The following GNAI1 variants were observed in gnomAD, a reference collection of about 807,000 sequenced individuals.
GNAI1 encodes guanine nucleotide-binding protein G(i) subunit alpha-1.
GNAI1 carries 11 observed loss-of-function variants against 38.9 expected under a neutral mutation model. The observed-to-expected ratio is 0.28, with a 90% CI of 0.18 to 0.47. GNAI1 has a LOEUF of 0.47. GNAI1 is among the 20% of genes least tolerant of loss of function. GNAI1 has a pLI of 0.99. For missense variants in GNAI1, 317 were observed against 436.9 expected (o/e 0.73, Z 2.45); for synonymous variants, 166 against 145.1 (o/e 1.14, Z -1.04).
At chr7:80,198,994 T>G (rs1019331593) in intron 3 of GNAI1, among the ~76,000 whole-genome samples, 3 of 152,198 alleles carry the variant, frequency 2.0e-5, no homozygotes, top group African/African-American at 4.8e-5. Flanking sequence ...TCCTAGTGCC[T>G]TGACAGATAC....
chr7:80,205,331 C>T (rs1225229083), intron 5 of GNAI1, among the ~76,000 whole-genome samples: 2 of 150,832 alleles, frequency 1.3e-5, no homozygotes, highest in African/African-American at 2.4e-5. Flanking sequence ...TTTTTTTTAA[C>T]CCAACAAGGT....
chr7:80,137,311 TCTTTTC>T (rs1562819574), intron 1 of GNAI1, among the ~76,000 whole-genome samples: 9 of 108,196 alleles, frequency 8.3e-5, no homozygotes, highest in South Asian at 3.5e-4. Flanking sequence ...TTTTTTCTTT[TCTTTTC>T]TTTTTTTTTT....
chr7:80,202,773 C>G lies in GNAI1; in HGVS notation c.462-931C>G, dbSNP rs148232044. On this transcript the variant is annotated intron_variant, in intron 4 of 7. Transcript: ENST00000649796. ...GTGATGGTCTCTACATTCAGCTGACCTTAGGACTCATTCCAAACTCCTCAT... is the reference window on the plus strand; with the variant it reads ...GTGATGGTCTCTACATTCAGCTGACGTTAGGACTCATTCCAAACTCCTCAT... Among the ~76,000 whole-genome samples the G allele has an allele frequency of 4.5e-3, 692 of 152,222 alleles. 3 individuals are homozygous for G. Among genetic ancestry groups the G allele is most frequent in the Non-Finnish European group, 7.0e-3 (473 of 68,016 alleles).
At chr7:80,208,264 C>A (rs777615663) in intron 5 of GNAI1, among the ~76,000 whole-genome samples, 1 of 151,956 alleles carries the variant, frequency 6.6e-6, no homozygotes, top group Non-Finnish European at 1.5e-5. Context: ...TATTTTTGCT[C>A]TTTTTAAATA....
chr7:80,184,723 C>G (rs1351147752), intron 1 of GNAI1, among the ~76,000 whole-genome samples: 3 of 152,168 alleles, frequency 2.0e-5, no homozygotes, highest in African/African-American at 7.2e-5. Context: ...CTGTCCATCA[C>G]CTGATGGTCA....
intron 1 of GNAI1, among the ~76,000 whole-genome samples, chr7:80,166,774 T>C (rs749756371): frequency 6.6e-5 from 10 of 152,216 alleles, no homozygotes; most frequent in Non-Finnish European, 1.3e-4. Flanking sequence ...GGGGATGAAA[T>C]GTTACAAATG....
chr7:80,145,361 A>G (rs1787601292), intron 1 of GNAI1, among the ~76,000 whole-genome samples: 1 of 152,140 alleles, frequency 6.6e-6, no homozygotes, highest in South Asian at 2.1e-4. Flanking sequence ...TTTTTTAAAG[A>G]GGTAATGTGG....
At chr7:80,181,409 A>G (rs1788291324) in intron 1 of GNAI1, among the ~76,000 whole-genome samples, 1 of 152,234 alleles carries the variant, frequency 6.6e-6, no homozygotes, top group African/African-American at 2.4e-5. Context: ...GATTAGAGTG[A>G]CTTAGAGTTT....
intron 1 of GNAI1, among the ~76,000 whole-genome samples, chr7:80,160,853 T>A (rs140656551): frequency 2.6e-5 from 4 of 152,098 alleles, no homozygotes; most frequent in East Asian, 3.9e-4. Context: ...TTGGTGCTAG[T>A]TCTAATTTTT....
intron 1 of GNAI1, among the ~76,000 whole-genome samples, chr7:80,136,356 A>G (rs1310874435): frequency 2.6e-5 from 4 of 152,224 alleles, no homozygotes; most frequent in African/African-American, 9.6e-5. Context: ...AGTTATAATA[A>G]AAAAGAAATG....
intron 5 of GNAI1, among the ~76,000 whole-genome samples, chr7:80,204,046 A>G (rs536108658): frequency 6.6e-6 from 1 of 152,226 alleles, no homozygotes; most frequent in African/African-American, 2.4e-5. Flanking sequence ...AAATCTATCC[A>G]CACAAATTCC....
chr7:80,163,965 T>G (rs1217642601), intron 1 of GNAI1, among the ~76,000 whole-genome samples: 1 of 147,078 alleles, frequency 6.8e-6, no homozygotes, highest in Non-Finnish European at 1.5e-5. Context: ...ACTGGTGCTT[T>G]CTTTTTTTTT....
intron 1 of GNAI1, among the ~76,000 whole-genome samples, chr7:80,141,913 A>G (rs1787533104): frequency 6.6e-6 from 1 of 152,130 alleles, no homozygotes; most frequent in Admixed American, 6.5e-5. Context: ...CCCTTCCTCT[A>G]GTTTTTGATA....
chr7:80,177,889 C>T (rs1438569132), intron 1 of GNAI1, among the ~76,000 whole-genome samples: 2 of 152,100 alleles, frequency 1.3e-5, no homozygotes, highest in East Asian at 1.9e-4. Flanking sequence ...GCTATAGCTG[C>T]CATTAGATAG....
At position 80,222,067 on chromosome 7, in the gene GNAI1, C is replaced by T. The variant is rs1789088940; in HGVS notation, c.*4574C>T. On this transcript the variant is annotated 3_prime_UTR_variant, in exon 8 of 8. Coordinates refer to ENST00000649796, the MANE Select transcript of GNAI1 (RefSeq NM_002069.6). ...ATTTTTTTAAACCAATTACTGTTTG[C>T]TTTGGTGTCTGTTGTGATTTCTCTT... Among the ~76,000 whole-genome samples the T allele has an allele frequency of 6.6e-6, 1 of 152,148 alleles. No homozygotes were observed. Among genetic ancestry groups the T allele is most frequent in the African/African-American group, 2.4e-5 (1 of 41,432 alleles).
chr7:80,205,133 C>G (rs1310212444), intron 5 of GNAI1, among the ~76,000 whole-genome samples: 1 of 152,104 alleles, frequency 6.6e-6, no homozygotes, highest in Non-Finnish European at 1.5e-5. Context: ...GGAGGCCCGT[C>G]TGAAGTCAAT....
At position 80,134,861 on chromosome 7, in the gene GNAI1, G is replaced by T; in HGVS notation, c.-300G>T. 1 of 215,520 alleles carries T rather than the reference G, an allele frequency of 4.6e-6. No homozygotes were observed. The highest frequency in any genetic ancestry group is 9.1e-6 in the Non-Finnish European group (1 of 109,748). 13.4% of individuals were successfully genotyped at this position (215,520 alleles called of 1,614,324 possible). The stretch of plus-strand genomic sequence containing the variant: ...CGGCTGGGCTTGGCGAGGCTGCGGC[G>T]CGGCCACCGGCGGGAGTGCAGCGGC... On this transcript the variant is annotated 5_prime_UTR_variant, in exon 1 of 8. Transcript: ENST00000649796.
intron 1 of GNAI1, among the ~76,000 whole-genome samples, chr7:80,138,155 G>A (rs1248891690): frequency 6.6e-6 from 1 of 151,296 alleles, no homozygotes; most frequent in African/African-American, 2.4e-5. Context: ...TAAATTTAAG[G>A]CATAAAATCT....
chr7:80,160,198 A>G (rs1787897507), intron 1 of GNAI1, among the ~76,000 whole-genome samples: 1 of 128,190 alleles, frequency 7.8e-6, no homozygotes, highest in South Asian at 2.4e-4. Flanking sequence ...AGGTTATTTT[A>G]GACAGTTTTT....
Sources: allele counts gnomAD v4.1 joint callset (sites outside exome capture counted in the v4.1 genomes callset), GRCh38; gene constraint gnomAD v4.1.1; transcripts MANE v1.5; gene names NCBI Gene and HGNC (gene_info 2026-07-23, HGNC 2026-07-21).